SHB: variants seen among roughly 807,000 people sequenced by gnomAD.
The protein encoded by SHB is SH2 domain-containing adapter protein B.
In SHB, 20 loss-of-function variants were observed where a neutral mutation model predicts 52.3. The ratio of observed to expected loss-of-function variants is 0.38; its 90% CI spans 0.27 to 0.56. SHB has a LOEUF of 0.56. Ranked by LOEUF, SHB falls within the 20% of genes least tolerant of loss-of-function variation. The pLI is 0.71. For synonymous variants in SHB, 397 were observed against 316.5 expected (o/e 1.25, Z -2.70); for missense variants, 825 against 723.3 (o/e 1.14, Z -1.61).
chr9:37,974,643 C>T lies in SHB; in HGVS notation c.1033G>A (p.Val345Ile), dbSNP rs368237817. The change falls in exon 3 of 6, where the codon GTC (valine) becomes ATC (isoleucine). Residue 345 changes from valine to isoleucine, a missense_variant. Coordinates refer to ENST00000377707, the MANE Select transcript of SHB (RefSeq NM_003028.3). ...TTACCTGCCAGGGCTGGGATGGTGACCCGGTTCCACTCCCAAGGCTGGTCG... is the reference window on the plus strand; with the variant it reads ...TTACCTGCCAGGGCTGGGATGGTGATCCGGTTCCACTCCCAAGGCTGGTCG... ...EYDQPWEWNRVTIPALAAQFN... is the reference protein window; with the variant it reads ...EYDQPWEWNRITIPALAAQFN... 6 of 1,613,004 alleles carry T rather than the reference C, an allele frequency of 3.7e-6. No individual in the cohort carries two copies. In the East Asian group the frequency reaches 1.1e-4, roughly 30 times the overall value.
chr9:37,993,596 T>C (rs1820910313), intron 2 of SHB, among the ~76,000 whole-genome samples: 1 of 152,086 alleles, frequency 6.6e-6, no homozygotes, highest in Admixed American at 6.5e-5. Flanking sequence ...AGAAATCCTA[T>C]TCTTTATGTT....
At chr9:38,028,156 C>T (rs1177109570) in intron 1 of SHB, among the ~76,000 whole-genome samples, 2 of 152,090 alleles carry the variant, frequency 1.3e-5, no homozygotes, top group Non-Finnish European at 2.9e-5. Context: ...TTCTCCTGGT[C>T]TAGGGCCCTG....
At chr9:38,062,374 C>T (rs1369118452) in intron 1 of SHB, among the ~76,000 whole-genome samples, 2 of 152,154 alleles carry the variant, frequency 1.3e-5, no homozygotes, top group East Asian at 1.9e-4. Context: ...GTATCCCTGC[C>T]CTTTGCCATG....
At chr9:38,003,021 G>A (rs913181238) in intron 2 of SHB, among the ~76,000 whole-genome samples, 4 of 152,210 alleles carry the variant, frequency 2.6e-5, no homozygotes, top group Admixed American at 6.5e-5. Flanking sequence ...TTAGTTTCAA[G>A]TCTAGGGGTA....
chr9:37,952,033 T>C (rs1313554984), intron 4 of SHB, among the ~76,000 whole-genome samples: 1 of 152,216 alleles, frequency 6.6e-6, no homozygotes, highest in Middle Eastern at 3.4e-3. Flanking sequence ...CCAGGGGGAT[T>C]AGGGAGACTC....
intron 1 of SHB, among the ~76,000 whole-genome samples, chr9:38,020,274 A>C (rs1400084610): frequency 6.6e-6 from 1 of 152,238 alleles, no homozygotes; most frequent in Non-Finnish European, 1.5e-5. Context: ...TGTTTCCCAA[A>C]CTTGCCTGAA....
At chr9:37,928,732 C>A (rs760828665) in intron 5 of SHB, among the ~76,000 whole-genome samples, 1 of 152,228 alleles carries the variant, frequency 6.6e-6, no homozygotes, top group Non-Finnish European at 1.5e-5. Context: ...GAAGTGTGAA[C>A]GTCTGACGAA....
intron 1 of SHB, among the ~76,000 whole-genome samples, chr9:38,017,853 C>A (rs1487199992): frequency 6.6e-6 from 1 of 151,848 alleles, no homozygotes; most frequent in East Asian, 1.9e-4. Flanking sequence ...CAATGTCTTT[C>A]ATTTGCTATT....
chr9:37,993,339 C>T lies in SHB; in HGVS notation c.839-18502G>A, dbSNP rs79064715. ...ACGAACTGAGCTAAAAATAAGGCTG[C>T]TCCAACACTATTGTGAGACAGAAAA... On this transcript the variant is annotated intron_variant, in intron 2 of 5. Transcript: ENST00000377707. Among the ~76,000 whole-genome samples, 684 of 152,260 alleles carry T rather than the reference C, an allele frequency of 4.5e-3. 17 individuals carry two copies. The East Asian group carries it at 0.059, about 13-fold the overall frequency.
intron 3 of SHB, among the ~76,000 whole-genome samples, chr9:37,964,700 T>C (rs1832729688): frequency 6.6e-6 from 1 of 152,164 alleles, no homozygotes; most frequent in African/African-American, 2.4e-5. Context: ...GCATAAACCC[T>C]GTGTGAGTGC....
At chr9:38,025,651 T>C (rs1236653219) in intron 1 of SHB, among the ~76,000 whole-genome samples, 1 of 152,194 alleles carries the variant, frequency 6.6e-6, no homozygotes, top group African/African-American at 2.4e-5. Flanking sequence ...ATCTGTGAAA[T>C]GAGGATGGGG....
intron 5 of SHB, among the ~76,000 whole-genome samples, chr9:37,926,766 A>G (rs1454922523): frequency 1.3e-5 from 2 of 152,184 alleles, no homozygotes; most frequent in Non-Finnish European, 2.9e-5. Context: ...ACAATCCCAA[A>G]TGCATGGAGA....
At chr9:38,005,597 G>A (rs1346359944) in intron 2 of SHB, among the ~76,000 whole-genome samples, 1 of 152,174 alleles carries the variant, frequency 6.6e-6, no homozygotes, top group Non-Finnish European at 1.5e-5. Context: ...TCTGCAAAAT[G>A]GAAATCATCT....
At chr9:37,961,505 C>A (rs111577697) in intron 3 of SHB, among the ~76,000 whole-genome samples, 2 of 152,282 alleles carry the variant, frequency 1.3e-5, no homozygotes, top group African/African-American at 2.4e-5. Flanking sequence ...TTCATTCTGG[C>A]GCTCAAGTTC....
intron 5 of SHB, among the ~76,000 whole-genome samples, chr9:37,942,710 T>C (rs890953774): frequency 2.0e-5 from 3 of 152,162 alleles, no homozygotes; most frequent in Non-Finnish European, 2.9e-5. Flanking sequence ...GGGAAAGAGA[T>C]GGAAGCAGGA....
intron 1 of SHB, among the ~76,000 whole-genome samples, chr9:38,034,132 T>C (rs1048587790): frequency 2.6e-5 from 4 of 152,196 alleles, no homozygotes; most frequent in Admixed American, 1.3e-4. Context: ...GGGAGTTCAA[T>C]GTGCACCTCT....
intron 5 of SHB, among the ~76,000 whole-genome samples, chr9:37,931,692 G>C (rs1436913965): frequency 2.0e-5 from 3 of 152,224 alleles, no homozygotes; most frequent in Non-Finnish European, 4.4e-5. Flanking sequence ...AGCTTTGTAA[G>C]GAAATTAGAA....
intron 1 of SHB, among the ~76,000 whole-genome samples, chr9:38,060,489 T>C (rs140362353): frequency 1.1e-3 from 168 of 152,306 alleles, no homozygotes; most frequent in African/African-American, 2.9e-3. Context: ...GACCTGACTT[T>C]AGACAAGTGA....
Position 37,918,593 on chromosome 9 carries a change from T to C in SHB, c.*1228A>G, listed in dbSNP as rs1323650961. Among the ~76,000 whole-genome samples the C allele has an allele frequency of 2.0e-5, 3 of 152,148 alleles. No homozygotes were observed. The highest frequency in any genetic ancestry group is 6.5e-5 in the Admixed American group (1 of 15,276). On this transcript the variant is annotated 3_prime_UTR_variant, in exon 6 of 6. Transcript: ENST00000377707. ...GGAGGTCAGGATTCTCCCTCCTCCA[T>C]GGGCAGGGTGACAGCAAGGCCATGC... is the stretch of plus-strand genomic sequence containing the variant.
Sources: gnomAD v4.1 joint callset for allele counts (sites outside exome capture counted in the v4.1 genomes callset) on GRCh38, gnomAD v4.1.1 for gene constraint, MANE v1.5 for transcripts, NCBI Gene and HGNC (gene_info 2026-07-23, HGNC 2026-07-21) for gene names.